PTCHD4: variants seen among roughly 807,000 people sequenced by gnomAD.
The protein encoded by PTCHD4 is patched domain containing 4, also known as patched domain-containing protein 4.
Under a neutral mutation model 58.1 loss-of-function variants are expected in PTCHD4, and 33 were observed. The observed-to-expected ratio is 0.57, with a 90% CI of 0.43 to 0.76. PTCHD4 has a LOEUF of 0.76. Among genes scored for constraint, PTCHD4 ranks in the 30% least tolerant of loss-of-function variants. The probability of loss-of-function intolerance (pLI) is 0.00; values close to 1 mark genes in which losing one functional copy is unlikely to be tolerated. For synonymous variants in PTCHD4, 478 were observed against 409.6 expected (o/e 1.17, Z -2.02); for missense variants, 1,058 against 1,027.1 (o/e 1.03, Z -0.41).
Position 48,058,164 on chromosome 6 carries a change from A to C in PTCHD4, c.417+10066T>G, listed in dbSNP as rs1436788138. The stretch of plus-strand genomic sequence containing the variant: ...ATGAAATCAGTATTTTTAAAGCTCC[A>C]CTAATGATTTCTACACTCAGCCAAG... On this transcript the variant is annotated intron_variant, in intron 3 of 4. Coordinates refer to ENST00000339488, the MANE Select transcript of PTCHD4 (RefSeq NM_001384253.1). Among the ~76,000 whole-genome samples the C allele has an allele frequency of 2.0e-5, 3 of 152,234 alleles. No individual in the cohort carries two copies. In the South Asian group the frequency reaches 6.2e-4, roughly 31 times the overall value.
intron 4 of PTCHD4, among the ~76,000 whole-genome samples, chr6:47,977,685 CAATA>C (rs1430623296): frequency 6.6e-6 from 1 of 151,196 alleles, no homozygotes. Context: ...TGTTATGCTG[CAATA>C]GATAGCTAAA....
Position 47,874,380 on chromosome 6 carries a change from A to AACCTATGT in PTCHD4, c.*3915_*3922dup, listed in dbSNP as rs1264667939. 6.6e-6 allele frequency among the ~76,000 whole-genome samples: 1 copy of AACCTATGT among 151,792 alleles called. No individual in the cohort carries two copies. The highest frequency in any genetic ancestry group is 1.5e-5 in the Non-Finnish European group (1 of 67,816). ...TAACCCTGAAAATAGTGTCTTTAATAACCTATGTACTATTAATAACAAAGC... is the reference window on the plus strand; with the variant it reads ...TAACCCTGAAAATAGTGTCTTTAATAACCTATGTACCTATGTACTATTAATAACAAAGC... On this transcript the variant is annotated 3_prime_UTR_variant, in exon 5 of 5. Transcript: ENST00000339488.
rs1229690958 is a variant in PTCHD4 at position 48,052,351 on chromosome 6, G to GA, written c.417+15878dup. On this transcript the variant is annotated intron_variant, in intron 3 of 4. Transcript: ENST00000339488. ...AGGTCACAGGTAAAGAACAGTTTAA[G>GA]AAAAAAAAAAGGAATGACTGGTTCT... Among the ~76,000 whole-genome samples the GA allele has an allele frequency of 5.8e-3, 831 of 144,352 alleles. 6 individuals are homozygous for GA. The highest frequency in any genetic ancestry group is 0.019 in the African/African-American group (741 of 39,558). The allele number at this position is 144,352 out of a possible 152,430, so 94.7% of individuals were successfully genotyped here.
chr6:47,955,241 G>A (rs1429976299), intron 4 of PTCHD4, among the ~76,000 whole-genome samples: 1 of 152,158 alleles, frequency 6.6e-6, no homozygotes, highest in Non-Finnish European at 1.5e-5. Context: ...AGGAGCATGT[G>A]TAAAAATATT....
rs1167075251 is a variant in PTCHD4 at position 47,861,896 on chromosome 6, T to C, written c.*16407A>G. 6.6e-6 allele frequency among the ~76,000 whole-genome samples: 1 copy of C among 151,912 alleles called. No individual in the cohort carries two copies. The highest frequency in any genetic ancestry group is 1.5e-5 in the Non-Finnish European group (1 of 67,890). ...TGGATGGATTAATGAATGAATGATA[T>C]GGCTAGTTCATCAGGTCATTTTATT... On this transcript the variant is annotated 3_prime_UTR_variant, in exon 5 of 5. Transcript: ENST00000339488.
intron 4 of PTCHD4, among the ~76,000 whole-genome samples, chr6:47,935,736 T>TG (rs1765976808): frequency 6.6e-6 from 1 of 152,226 alleles, no homozygotes; most frequent in Non-Finnish European, 1.5e-5. Context: ...TTTTAGATGC[T>TG]GGTATACAGC....
intron 1 of PTCHD4, among the ~76,000 whole-genome samples, chr6:48,097,046 T>G (rs1765485325): frequency 6.6e-6 from 1 of 152,140 alleles, no homozygotes; most frequent in African/African-American, 2.4e-5. Flanking sequence ...AAGTAATAAT[T>G]ATATTTCTTT....
chr6:48,089,632 G>A (rs1765326761), intron 1 of PTCHD4, among the ~76,000 whole-genome samples: 1 of 152,134 alleles, frequency 6.6e-6, no homozygotes, highest in African/African-American at 2.4e-5. Context: ...TGATTTTGTA[G>A]TTTTTTGTTC....
At chr6:47,894,033 C>T (rs1261003603) in intron 4 of PTCHD4, among the ~76,000 whole-genome samples, 1 of 152,174 alleles carries the variant, frequency 6.6e-6, no homozygotes, top group African/African-American at 2.4e-5. Flanking sequence ...TAACAGCAAA[C>T]CATTCACACT....
At chr6:48,000,964 GACAA>G (rs1232337946) in intron 4 of PTCHD4, among the ~76,000 whole-genome samples, 5 of 152,182 alleles carry the variant, frequency 3.3e-5, no homozygotes, top group East Asian at 3.9e-4. Context: ...ACCAACAACA[GACAA>G]ACAGAGAGCC....
intron 1 of PTCHD4, among the ~76,000 whole-genome samples, chr6:48,099,815 A>G (rs964164434): frequency 6.6e-6 from 1 of 152,208 alleles, no homozygotes; most frequent in East Asian, 1.9e-4. Flanking sequence ...TTGTTTATGC[A>G]GAGATTTAAT....
intron 4 of PTCHD4, among the ~76,000 whole-genome samples, chr6:47,918,303 T>C (rs1765322926): frequency 6.6e-6 from 1 of 152,180 alleles, no homozygotes; most frequent in Non-Finnish European, 1.5e-5. Flanking sequence ...TAGAATGCTT[T>C]TGCATTTTAA....
At chr6:47,938,759 C>T (rs1312048287) in intron 4 of PTCHD4, among the ~76,000 whole-genome samples, 1 of 152,156 alleles carries the variant, frequency 6.6e-6, no homozygotes, top group African/African-American at 2.4e-5. Context: ...TTAGATTTAA[C>T]TATAATTTTA....
At chr6:47,934,947 T>C (rs1451451878) in intron 4 of PTCHD4, among the ~76,000 whole-genome samples, 5 of 152,210 alleles carry the variant, frequency 3.3e-5, no homozygotes, top group Admixed American at 1.3e-4. Context: ...AGTTTTAAAA[T>C]ATTTTCTTCC....
At chr6:47,979,477 T>TA (rs1185435841) in intron 4 of PTCHD4, among the ~76,000 whole-genome samples, 14 of 152,110 alleles carry the variant, frequency 9.2e-5, no homozygotes, top group Admixed American at 2.0e-4. Context: ...AGCTATGTGA[T>TA]AAAAAAGTGT....
At chr6:47,887,690 A>T (rs1164131894) in intron 4 of PTCHD4, among the ~76,000 whole-genome samples, 2 of 152,210 alleles carry the variant, frequency 1.3e-5, no homozygotes, top group African/African-American at 2.4e-5. Context: ...CTGAGAGATG[A>T]TGAACTCTTT....
intron 4 of PTCHD4, among the ~76,000 whole-genome samples, chr6:47,882,313 T>C (rs898013062): frequency 6.6e-6 from 1 of 152,074 alleles, no homozygotes; most frequent in African/African-American, 2.4e-5. Context: ...TTTTGCTTTA[T>C]GTAGTACAAA....
At chr6:47,913,590 T>C (rs1765135666) in intron 4 of PTCHD4, among the ~76,000 whole-genome samples, 1 of 152,116 alleles carries the variant, frequency 6.6e-6, no homozygotes, top group Admixed American at 6.6e-5. Context: ...ATATTATATA[T>C]TCTGGGTTAG....
At chr6:48,095,298 G>A (rs1765441930) in intron 1 of PTCHD4, among the ~76,000 whole-genome samples, 1 of 152,068 alleles carries the variant, frequency 6.6e-6, no homozygotes, top group South Asian at 2.1e-4. Context: ...ATATTTCCTT[G>A]GATTGCACCT....
Sources: allele counts gnomAD v4.1 joint callset (sites outside exome capture counted in the v4.1 genomes callset), GRCh38; gene constraint gnomAD v4.1.1; transcripts MANE v1.5; gene names NCBI Gene and HGNC (gene_info 2026-07-23, HGNC 2026-07-21).